HMGA2: variants seen among roughly 807,000 people sequenced by gnomAD.
The protein encoded by HMGA2 is high mobility group protein HMGI-C.
HMGA2 carries 8 observed loss-of-function variants against 19.1 expected under a neutral mutation model. That is an observed-to-expected ratio of 0.42 (90% CI 0.25 to 0.76). HMGA2 has a LOEUF of 0.76. Ranked by LOEUF, HMGA2 falls within the 30% of genes least tolerant of loss-of-function variation. HMGA2 has a pLI of 0.28. For synonymous variants in HMGA2, 60 were observed against 48.8 expected, an observed-to-expected ratio of 1.23 and a Z score of -0.96; for missense variants, 109 against 136.3, an observed-to-expected ratio of 0.80 and a Z score of 1.00.
intron 3 of HMGA2, among the ~76,000 whole-genome samples, chr12:65,927,985 G>A (rs12372598): frequency 6.7e-6 from 1 of 148,570 alleles, no homozygotes; most frequent in Non-Finnish European, 1.5e-5. Context: ...GTATATATGT[G>A]TATATATTAT....
At chr12:65,948,109 C>T (rs1478644016) in intron 3 of HMGA2, among the ~76,000 whole-genome samples, 1 of 152,162 alleles carries the variant, frequency 6.6e-6, no homozygotes, top group African/African-American at 2.4e-5. Flanking sequence ...TTTAAATTCC[C>T]TATGCCTTGG....
intron 3 of HMGA2, among the ~76,000 whole-genome samples, chr12:65,852,561 G>T (rs943312297): frequency 4.6e-5 from 7 of 152,218 alleles, no homozygotes; most frequent in African/African-American, 9.6e-5. Context: ...GAATGAAATT[G>T]TTCCTGTTAT....
intron 3 of HMGA2, among the ~76,000 whole-genome samples, chr12:65,942,393 G>T (rs548501020): frequency 7.2e-5 from 11 of 152,018 alleles, no homozygotes; most frequent in Non-Finnish European, 1.5e-4. Flanking sequence ...AATAATTTGG[G>T]CCTTAAAAAA....
At chr12:65,939,569 T>TCA (rs1371070780) in intron 3 of HMGA2, among the ~76,000 whole-genome samples, 1 of 152,200 alleles carries the variant, frequency 6.6e-6, no homozygotes, top group Non-Finnish European at 1.5e-5. Context: ...TTGGCCAGGC[T>TCA]GGTCTTGAAC....
intron 3 of HMGA2, among the ~76,000 whole-genome samples, chr12:65,937,506 A>G (rs778710505): frequency 6.6e-6 from 1 of 152,244 alleles, no homozygotes; most frequent in Admixed American, 6.5e-5. Context: ...GCAGAAGCTC[A>G]TGTTAGTTAT....
intron 3 of HMGA2, chr12:65,914,987 A>G (rs148485269): frequency 3.5e-5 from 56 of 1,598,798 alleles, no homozygotes; most frequent in Non-Finnish European, 4.6e-5. Flanking sequence ...AAAAATGTCT[A>G]TTAGTGTTCC....
chr12:65,836,883 G>A (rs1388145706), intron 2 of HMGA2, among the ~76,000 whole-genome samples: 1 of 152,150 alleles, frequency 6.6e-6, no homozygotes, highest in East Asian at 1.9e-4. Context: ...GACAATTTTA[G>A]TTTCCTAAAG....
chr12:65,882,960 C>T (rs1465392418), intron 3 of HMGA2, among the ~76,000 whole-genome samples: 2 of 152,228 alleles, frequency 1.3e-5, no homozygotes, highest in African/African-American at 4.8e-5. Flanking sequence ...AATCAAATGG[C>T]AGACTCTGCC....
In HMGA2 at chr12:65,825,256, GC is replaced by G; in HGVS notation, c.-14del. The G allele has an allele frequency of 6.6e-7, 1 of 1,524,658 alleles. No homozygotes were observed. Among genetic ancestry groups the G allele is most frequent in the Admixed American group, 2.0e-5 (1 of 50,366 alleles). 94.4% of individuals were successfully genotyped at this position (1,524,658 alleles called of 1,614,324 possible). On this transcript the variant is annotated 5_prime_UTR_variant, in exon 1 of 5. Transcript: ENST00000403681. This position sits in a 1 kb window ranked among gnomAD's most constrained non-coding sequence, Gnocchi z 4.4. ...CGAAGCGGCTGCAGCGGCGGTAGCG[GC>G]GGCGGGAGGCAGGATGAGCGCACGC... is the stretch of plus-strand genomic sequence containing the variant.
chr12:65,933,875 T>C lies in HMGA2; in HGVS notation c.250-17508T>C, dbSNP rs117064579. 1.7e-3 allele frequency among the ~76,000 whole-genome samples: 257 copies of C among 152,286 alleles called. 7 individuals are homozygous for C. The East Asian group carries it at 0.043, about 25-fold the overall frequency. On this transcript the variant is annotated intron_variant, in intron 3 of 4. Transcript: ENST00000403681. The stretch of plus-strand genomic sequence containing the variant: ...ATAGGGCCATGAACAAACACCATAA[T>C]AGAGTGAAGAAAGCAATGCCAACGT...
intron 3 of HMGA2, among the ~76,000 whole-genome samples, chr12:65,851,862 A>G (rs1871489073): frequency 1.3e-5 from 2 of 152,162 alleles, no homozygotes; most frequent in Non-Finnish European, 2.9e-5. Context: ...TCTGACTTGC[A>G]TTCTGACTTA....
Position 65,870,525 on chromosome 12 carries a change from G to A in HMGA2, c.249+31956G>A, listed in dbSNP as rs150867179. Among the ~76,000 whole-genome samples the A allele has an allele frequency of 1.5e-3, 221 of 152,222 alleles. 2 individuals are homozygous for A. Among genetic ancestry groups the A allele is most frequent in the African/African-American group, 5.0e-3 (207 of 41,524 alleles). The stretch of plus-strand genomic sequence containing the variant: ...GCAGGCAGATCACCTTAGGTCAGGA[G>A]TTCGAGACCAGCCTGGCCACCATGC... On this transcript the variant is annotated intron_variant, in intron 3 of 4. Transcript: ENST00000403681.
intron 3 of HMGA2, among the ~76,000 whole-genome samples, chr12:65,877,322 T>C (rs570203963): frequency 6.4e-4 from 97 of 152,216 alleles, no homozygotes; most frequent in Middle Eastern, 6.8e-3. Flanking sequence ...TGGCAGAAGC[T>C]TTATTTGCCC....
At chr12:65,873,662 GATAC>G (rs1246960262) in intron 3 of HMGA2, 4 of 151,978 alleles carry the variant, frequency 2.6e-5, no homozygotes, top group Non-Finnish European at 5.9e-5. Flanking sequence ...TATGTATGTA[GATAC>G]ATACATATAT....
At chr12:65,826,512 T>A (rs1006221150) in intron 1 of HMGA2, 1 of 152,176 alleles carries the variant, frequency 6.6e-6, no homozygotes, top group Admixed American at 6.5e-5. Flanking sequence ...TAGAAAATAA[T>A]CCTAGAGTCC....
intron 3 of HMGA2, among the ~76,000 whole-genome samples, chr12:65,855,452 T>TCA (rs1259566976): frequency 0.014 from 1,471 of 107,054 alleles, 19 homozygotes; most frequent in African/African-American, 0.05. Flanking sequence ...TCTCTCTCTC[T>TCA]CTCTCTCACA....
intron 3 of HMGA2, among the ~76,000 whole-genome samples, chr12:65,880,665 CA>C (rs1873326318): frequency 6.6e-6 from 1 of 152,156 alleles, no homozygotes; most frequent in South Asian, 2.1e-4. Flanking sequence ...AGACAATGTA[CA>C]GTTAAGACCT....
At chr12:65,844,183 ACTGT>A (rs1871140752) in intron 3 of HMGA2, among the ~76,000 whole-genome samples, 1 of 152,194 alleles carries the variant, frequency 6.6e-6, no homozygotes, top group African/African-American at 2.4e-5. Flanking sequence ...GACATCAAAA[ACTGT>A]CTGCTAATGG....
chr12:65,828,274 A>C, intron 2 of HMGA2, 187 bp downstream of exon 2: 1 of 583,868 alleles, frequency 1.7e-6, no homozygotes, highest in East Asian at 3.3e-5. Flanking sequence ...GCTCAGCATA[A>C]AAAGTTTATG....
Sources: allele counts gnomAD v4.1 joint callset (sites outside exome capture counted in the v4.1 genomes callset), GRCh38; gene constraint gnomAD v4.1.1; non-coding constraint Gnocchi (gnomAD v3.1); transcripts MANE v1.5; gene names NCBI Gene and HGNC (gene_info 2026-07-23, HGNC 2026-07-21).